MTUS2: variants seen among roughly 807,000 people sequenced by gnomAD.
MTUS2 encodes the protein microtubule-associated tumor suppressor candidate 2.
MTUS2 carries 40 observed loss-of-function variants against 114.1 expected under a neutral mutation model. The ratio of observed to expected loss-of-function variants is 0.35; its 90% CI spans 0.27 to 0.46. MTUS2 has a LOEUF of 0.46. Among genes scored for constraint, MTUS2 ranks in the 20% least tolerant of loss-of-function variants. The probability of loss-of-function intolerance (pLI) is 1.00; values close to 1 mark genes in which losing one functional copy is unlikely to be tolerated. For synonymous variants in MTUS2, 688 were observed against 672.0 expected (o/e 1.02, Z -0.37); for missense variants, 1,679 against 1,705.4 (o/e 0.98, Z 0.27).
chr13:29,040,202 C>G (rs1174657603), intron 4 of MTUS2, among the ~76,000 whole-genome samples: 1 of 152,172 alleles, frequency 6.6e-6, no homozygotes. Flanking sequence ...CCCACTTATG[C>G]GTGAGAACAT....
At chr13:29,319,708 A>G (rs1900172473) in intron 6 of MTUS2, among the ~76,000 whole-genome samples, 1 of 152,150 alleles carries the variant, frequency 6.6e-6, no homozygotes, top group African/African-American at 2.4e-5. Flanking sequence ...TTGATTCCCC[A>G]AAGGTCAGCA....
intron 12 of MTUS2, among the ~76,000 whole-genome samples, chr13:29,493,175 C>T (rs1178162018): frequency 1.3e-5 from 2 of 152,128 alleles, no homozygotes; most frequent in East Asian, 1.9e-4. Flanking sequence ...GTGGCTGAGA[C>T]GAAAAGCACC....
intron 8 of MTUS2, among the ~76,000 whole-genome samples, chr13:29,439,775 G>A (rs7995644): frequency 0.04 from 6,141 of 152,254 alleles, 163 homozygotes; most frequent in Middle Eastern, 0.054. Context: ...TTAATATTAT[G>A]ATGCAAGCTT....
Position 29,286,668 on chromosome 13 carries a change from G to A in MTUS2, c.2806+4803G>A, listed in dbSNP as rs78580444. On this transcript the variant is annotated intron_variant, in intron 6 of 15. Transcript: ENST00000612955. ...TATCTATCTGTCTGTCTGTCTGTCTGTCTGTCTATCTATCTATCTATCTAT... is the reference window on the plus strand; with the variant it reads ...TATCTATCTGTCTGTCTGTCTGTCTATCTGTCTATCTATCTATCTATCTAT... Among the ~76,000 whole-genome samples the A allele has an allele frequency of 8.4e-3, 661 of 78,990 alleles. 1 individual carries two copies. Among genetic ancestry groups the A allele is most frequent in the African/African-American group, 0.03 (570 of 19,250 alleles). The allele number at this position is 78,990 out of a possible 152,430, so 51.8% of individuals were successfully genotyped here.
intron 5 of MTUS2, among the ~76,000 whole-genome samples, chr13:29,245,466 T>G (rs1310708050): frequency 6.6e-6 from 1 of 152,164 alleles, no homozygotes; most frequent in Non-Finnish European, 1.5e-5. Flanking sequence ...TGGCATTGAG[T>G]AAACAGCAAC....
At chr13:29,334,856 T>A (rs971775515) in intron 7 of MTUS2, among the ~76,000 whole-genome samples, 2 of 152,222 alleles carry the variant, frequency 1.3e-5, no homozygotes, top group Non-Finnish European at 2.9e-5. Flanking sequence ...CAATCAATAC[T>A]CTTGTGATTT....
At chr13:28,904,491 C>T (rs1879857675) in intron 2 of MTUS2, among the ~76,000 whole-genome samples, 1 of 152,164 alleles carries the variant, frequency 6.6e-6, no homozygotes, top group Non-Finnish European at 1.5e-5. Context: ...GTTTTCCCAG[C>T]ACCATTTATT....
intron 2 of MTUS2, among the ~76,000 whole-genome samples, chr13:29,004,839 A>G (rs1471401409): frequency 6.6e-6 from 1 of 152,208 alleles, no homozygotes; most frequent in Non-Finnish European, 1.5e-5. Flanking sequence ...AGCCTAGTAC[A>G]GAAGAAGAGA....
At chr13:29,259,732 G>A (rs1847414002) in intron 5 of MTUS2, among the ~76,000 whole-genome samples, 1 of 152,160 alleles carries the variant, frequency 6.6e-6, no homozygotes, top group South Asian at 2.1e-4. Flanking sequence ...AATAAAAATA[G>A]GTCTCTTGAT....
intron 3 of MTUS2, among the ~76,000 whole-genome samples, chr13:29,032,278 T>C (rs962229798): frequency 6.6e-6 from 1 of 152,154 alleles, no homozygotes; most frequent in African/African-American, 2.4e-5. Flanking sequence ...CTTAAGATCA[T>C]TGTTGAGAGA....
intron 2 of MTUS2, among the ~76,000 whole-genome samples, chr13:28,882,036 C>T (rs1878321045): frequency 6.6e-6 from 1 of 152,124 alleles, no homozygotes; most frequent in Non-Finnish European, 1.5e-5. Flanking sequence ...TCAATCCTTC[C>T]CTCACACCAT....
chr13:29,504,191 CTG>C lies in MTUS2; in HGVS notation c.*987_*988del, dbSNP rs58473299. ...TCATGAAGGAAATTGCTGCCAAGGT[CTG>C]TATTTTGACCAGGCACAGAGGGGGA... is the stretch of plus-strand genomic sequence containing the variant. On this transcript the variant is annotated 3_prime_UTR_variant, in exon 16 of 16. Transcript: ENST00000612955. 1,715 of 232,442 alleles carry C rather than the reference CTG, an allele frequency of 7.4e-3. 25 individuals are homozygous for C. Among genetic ancestry groups the C allele is most frequent in the African/African-American group, 0.035 (1,568 of 45,366 alleles). The allele number at this position is 232,442 out of a possible 1,614,324, so 14.4% of individuals were successfully genotyped here.
chr13:28,849,715 T>A (rs767353898), intron 2 of MTUS2, among the ~76,000 whole-genome samples: 1 of 152,024 alleles, frequency 6.6e-6, no homozygotes, highest in South Asian at 2.1e-4. Flanking sequence ...TTGAACCCTT[T>A]GCTCCAGCCA....
At chr13:28,856,976 C>G (rs1876671459) in intron 2 of MTUS2, among the ~76,000 whole-genome samples, 1 of 152,170 alleles carries the variant, frequency 6.6e-6, no homozygotes, top group African/African-American at 2.4e-5. Flanking sequence ...TTCGTAGCCA[C>G]TGAGTCAAAA....
At chr13:29,203,575 A>C (rs1895052456) in intron 5 of MTUS2, among the ~76,000 whole-genome samples, 1 of 151,744 alleles carries the variant, frequency 6.6e-6, no homozygotes, top group African/African-American at 2.4e-5. Flanking sequence ...AAAAAAAAAA[A>C]AAAAACTCCT....
intron 5 of MTUS2, among the ~76,000 whole-genome samples, chr13:29,174,661 C>A (rs928175780): frequency 4.3e-4 from 65 of 152,118 alleles, no homozygotes; most frequent in African/African-American, 1.5e-3. Context: ...ATTCTGCTTA[C>A]GGTAGTGGTT....
At chr13:28,918,835 AT>A (rs1029228133) in intron 2 of MTUS2, among the ~76,000 whole-genome samples, 2 of 151,746 alleles carry the variant, frequency 1.3e-5, no homozygotes, top group African/African-American at 4.8e-5. Flanking sequence ...TTGTGTGTAT[AT>A]GTTATTTTCT....
chr13:29,175,211 T>A (rs1312549200), intron 5 of MTUS2, among the ~76,000 whole-genome samples: 1 of 152,158 alleles, frequency 6.6e-6, no homozygotes, highest in Admixed American at 6.5e-5. Flanking sequence ...AAATATAAAG[T>A]CTAAATTTAT....
chr13:28,854,212 A>G (rs924165727), intron 2 of MTUS2, among the ~76,000 whole-genome samples: 7 of 152,240 alleles, frequency 4.6e-5, no homozygotes, highest in Admixed American at 2.0e-4. Flanking sequence ...TTGTATGCAC[A>G]TTACAGTCTG....
Sources: gnomAD v4.1 joint callset for allele counts (sites outside exome capture counted in the v4.1 genomes callset) on GRCh38, gnomAD v4.1.1 for gene constraint, MANE v1.5 for transcripts, NCBI Gene and HGNC (gene_info 2026-07-23, HGNC 2026-07-21) for gene names.